Variants in LIPA observed in about 807,000 individuals in gnomAD.
LIPA encodes the protein lipase A, lysosomal acid type, also known as lysosomal acid lipase/cholesteryl ester hydrolase.
LIPA carries 26 observed loss-of-function variants against 40.6 expected under a neutral mutation model. That is an observed-to-expected ratio of 0.64 (90% CI 0.47 to 0.89). LIPA has a LOEUF of 0.89. Among genes scored for constraint, LIPA ranks in the 40% least tolerant of loss-of-function variants. LIPA has a pLI of 0.00. For missense variants in LIPA, 455 were observed against 479.6 expected, an observed-to-expected ratio of 0.95 and a Z score of 0.48; for synonymous variants, 188 against 168.4, an observed-to-expected ratio of 1.12 and a Z score of -0.90.
chr10:89,393,036 T>A, intron 2 of LIPA: 2 of 852,654 alleles, frequency 2.3e-6, no homozygotes, highest in Non-Finnish European at 3.3e-6. Flanking sequence ...TTCTTTCCCA[T>A]CAGATTCACT....
chr10:89,294,403 C>A (rs934235511), intron 1 of LIPA, among the ~76,000 whole-genome samples: 2 of 152,158 alleles, frequency 1.3e-5, no homozygotes, highest in Non-Finnish European at 2.9e-5. Context: ...CTGGCCAGGG[C>A]CCTCTTACTG....
chr10:89,336,102 C>T (rs1843734341), intron 1 of LIPA, among the ~76,000 whole-genome samples: 1 of 148,128 alleles, frequency 6.8e-6, no homozygotes, highest in South Asian at 2.2e-4. Context: ...ATAGTGAGAC[C>T]CTGTCTCTGC....
chr10:89,256,831 T>C (rs189809267), intron 1 of LIPA, among the ~76,000 whole-genome samples: 64 of 152,258 alleles, frequency 4.2e-4, no homozygotes, highest in African/African-American at 1.3e-3. Flanking sequence ...TTCACTCAGG[T>C]AGGGGAAGAT....
At chr10:89,403,731 C>G in intron 2 of LIPA, 1 of 1,324,446 alleles carries the variant, frequency 7.6e-7, no homozygotes, top group Non-Finnish European at 1.1e-6. Context: ...ATATCAGCCA[C>G]TTTCACATTT....
intron 1 of LIPA, among the ~76,000 whole-genome samples, chr10:89,277,659 A>G (rs1008175374): frequency 1.3e-5 from 2 of 152,256 alleles, no homozygotes; most frequent in African/African-American, 4.8e-5. Flanking sequence ...ACAACCACTG[A>G]AAAATTATTG....
At chr10:89,306,876 A>T (rs3898075) in intron 1 of LIPA, 1 of 1,614,120 alleles carries the variant, frequency 6.2e-7, no homozygotes, top group Non-Finnish European at 8.5e-7. Flanking sequence ...AATGGAATGT[A>T]TGGGAAAAGA....
In LIPA at chr10:89,332,462, G is replaced by A. The variant is rs142253655; in HGVS notation, c.-2+10149C>T. ...TCAGTTTCCCCTCAAGAGGGATCTTGATAGGGTTCCATCAGTTTCACTTTC... is the reference window on the plus strand; with the variant it reads ...TCAGTTTCCCCTCAAGAGGGATCTTAATAGGGTTCCATCAGTTTCACTTTC... On this transcript the variant is annotated intron_variant, in intron 1 of 5. Transcript: ENST00000282673. 4,539 of 1,486,280 alleles carry A rather than the reference G, an allele frequency of 3.1e-3. 12 individuals are homozygous for A. Among genetic ancestry groups the A allele is most frequent in the Non-Finnish European group, 3.8e-3 (4,236 of 1,115,722 alleles). 92.1% of individuals were successfully genotyped at this position (1,486,280 alleles called of 1,614,324 possible). A position where few individuals can be genotyped will look rare whatever the true frequency, so the allele number is the denominator to read the frequency against.
At chr10:89,322,672 A>G (rs1843578226) in intron 1 of LIPA, among the ~76,000 whole-genome samples, 3 of 151,926 alleles carry the variant, frequency 2.0e-5, no homozygotes, top group African/African-American at 4.8e-5. Flanking sequence ...TGTGCCCCCA[A>G]GAAGACCAGC....
At chr10:89,273,357 G>A (rs1474187733) in intron 1 of LIPA, among the ~76,000 whole-genome samples, 1 of 152,186 alleles carries the variant, frequency 6.6e-6, no homozygotes, top group African/African-American at 2.4e-5. Context: ...GGAAGCATTT[G>A]TGGCACTATG....
intron 1 of LIPA, among the ~76,000 whole-genome samples, chr10:89,334,886 T>C (rs1189500250): frequency 1.3e-5 from 2 of 152,184 alleles, no homozygotes; most frequent in African/African-American, 2.4e-5. Context: ...AACTAACTTA[T>C]TTATACATAT....
chr10:89,380,441 T>G (rs1258133743), intron 2 of LIPA, among the ~76,000 whole-genome samples: 2 of 151,804 alleles, frequency 1.3e-5, no homozygotes, highest in African/African-American at 4.8e-5. Context: ...TCATCTTTTT[T>G]TTTTTTTTTT....
intron 1 of LIPA, among the ~76,000 whole-genome samples, chr10:89,296,463 G>C (rs1483672455): frequency 2.1e-5 from 3 of 139,706 alleles, no homozygotes; most frequent in Non-Finnish European, 4.5e-5. Flanking sequence ...CTGTAGTCTA[G>C]CTTTGGCAAC....
intron 2 of LIPA, among the ~76,000 whole-genome samples, chr10:89,370,895 G>T (rs934798500): frequency 6.6e-6 from 1 of 152,112 alleles, no homozygotes; most frequent in African/African-American, 2.4e-5. Flanking sequence ...GTGGGCACCT[G>T]TACTCCCAGC....
chr10:89,261,199 T>C (rs931486293), intron 1 of LIPA, among the ~76,000 whole-genome samples: 5 of 152,198 alleles, frequency 3.3e-5, no homozygotes, highest in African/African-American at 1.2e-4. Context: ...CCAGAAGTCA[T>C]AGCCAGAGGC....
At chr10:89,311,378 A>T (rs1442836709) in intron 1 of LIPA, among the ~76,000 whole-genome samples, 2 of 152,000 alleles carry the variant, frequency 1.3e-5, no homozygotes, top group Non-Finnish European at 2.9e-5. Flanking sequence ...ATACAAAAAA[A>T]AATTAACCAG....
rs182135709 is a variant in LIPA, at chr10:89,235,456, T to G, written c.230-7058A>C. ...ATTATGGCCCTAAATAGGACAAAGCTGACAAAGAAGCAGCCCAGTGGCAGT... is the reference window on the plus strand; with the variant it reads ...ATTATGGCCCTAAATAGGACAAAGCGGACAAAGAAGCAGCCCAGTGGCAGT... On this transcript the variant is annotated intron_variant, in intron 3 of 9. Coordinates refer to ENST00000336233, the MANE Select transcript of LIPA (RefSeq NM_000235.4). 5.9e-5 allele frequency among the ~76,000 whole-genome samples: 9 copies of G among 152,350 alleles called. No individual in the cohort carries two copies. The East Asian group carries it at 1.7e-3, about 29-fold the overall frequency.
At chr10:89,339,364 T>G (rs766944919) in intron 1 of LIPA, 2 of 1,613,710 alleles carry the variant, frequency 1.2e-6, no homozygotes, top group Non-Finnish European at 1.7e-6. Flanking sequence ...CTTGGAAAAG[T>G]CTCCTTGCCA....
chr10:89,337,974 T>C (rs1843772386), intron 1 of LIPA, among the ~76,000 whole-genome samples: 1 of 152,192 alleles, frequency 6.6e-6, no homozygotes, highest in Non-Finnish European at 1.5e-5. Context: ...AACACTTTAG[T>C]ATAAAATAGG....
chr10:89,374,519 C>A lies in LIPA; in HGVS notation c.61+38272G>T, dbSNP rs142639080. On this transcript the variant is annotated intron_variant, in intron 2 of 8. Coordinates refer to the LIPA transcript ENST00000371837. ...GCTGCCAAATTCAGTGACCACATGA[C>A]AAACACTCACTCTGTTTCTCTGACA... Among the ~76,000 whole-genome samples, 195 of 152,334 alleles carry A rather than the reference C, an allele frequency of 1.3e-3. 1 individual carries two copies. Among genetic ancestry groups the A allele is most frequent in the African/African-American group, 4.6e-3 (190 of 41,570 alleles).
Sources: allele counts gnomAD v4.1 joint callset (sites outside exome capture counted in the v4.1 genomes callset), GRCh38; gene constraint gnomAD v4.1.1; transcripts MANE v1.5; gene names NCBI Gene and HGNC (gene_info 2026-07-23, HGNC 2026-07-21).